The following EEA1 variants were observed in gnomAD, a reference collection of about 807,000 sequenced individuals.
The protein encoded by EEA1 is early endosome antigen 1.
Under a neutral mutation model 209.2 loss-of-function variants are expected in EEA1, and 111 were observed. The observed-to-expected ratio is 0.53, with a 90% confidence interval of 0.45 to 0.62. The LOEUF (loss-of-function observed/expected upper bound fraction) is 0.62, where lower values mean the gene tolerates loss of function less well. Among genes scored for constraint, EEA1 ranks in the 20% least tolerant of loss-of-function variants. The pLI, the probability that EEA1 is intolerant of heterozygous loss-of-function variation, is 0.00. For missense variants in EEA1, 1,343 were observed against 1,530.8 expected (o/e 0.88, Z 2.05); for synonymous variants, 536 against 540.6 (o/e 0.99, Z 0.12).
chr12:92,818,479 ATTTAT>A (rs1875899530), intron 14 of EEA1, among the ~76,000 whole-genome samples: 1 of 152,194 alleles, frequency 6.6e-6, no homozygotes, highest in African/African-American at 2.4e-5. Flanking sequence ...CCAGAAACAG[ATTTAT>A]TTTAATTTAT....
chr12:92,867,586 G>A (rs768348552), intron 2 of EEA1, among the ~76,000 whole-genome samples: 1 of 152,078 alleles, frequency 6.6e-6, no homozygotes, highest in Non-Finnish European at 1.5e-5. Context: ...ACTGCTCCTT[G>A]AATGCTGATG....
At chr12:92,815,493 C>T (rs569752387) in intron 15 of EEA1, among the ~76,000 whole-genome samples, 3 of 152,098 alleles carry the variant, frequency 2.0e-5, no homozygotes, top group Admixed American at 6.5e-5. Context: ...AGTAAGTATG[C>T]CAGTTATATT....
chr12:92,842,801 T>C (rs915286464), intron 9 of EEA1, among the ~76,000 whole-genome samples: 4 of 152,200 alleles, frequency 2.6e-5, no homozygotes, highest in African/African-American at 9.6e-5. Flanking sequence ...TATTTAGTAA[T>C]ACATAAAATG....
At chr12:92,827,045 A>G (rs1412260211) in intron 12 of EEA1, among the ~76,000 whole-genome samples, 1 of 152,146 alleles carries the variant, frequency 6.6e-6, no homozygotes. Flanking sequence ...GAAGCTACAG[A>G]TTTTATCGTA....
At chr12:92,839,006 T>C (rs759613873) in intron 10 of EEA1, among the ~76,000 whole-genome samples, 7 of 152,092 alleles carry the variant, frequency 4.6e-5, no homozygotes, top group East Asian at 1.9e-4. Flanking sequence ...CTTTAAAGAA[T>C]AGAATTGATA....
At chr12:92,814,120 T>C (rs1003721338) in intron 15 of EEA1, among the ~76,000 whole-genome samples, 2 of 152,186 alleles carry the variant, frequency 1.3e-5, no homozygotes, top group East Asian at 1.9e-4. Flanking sequence ...GGGTGCATTC[T>C]TTTAGCTGGT....
intron 11 of EEA1, among the ~76,000 whole-genome samples, chr12:92,830,862 T>A (rs553304050): frequency 6.6e-6 from 1 of 152,156 alleles, no homozygotes; most frequent in African/African-American, 2.4e-5. Context: ...CTGATGCCTA[T>A]ATAAAGAATC....
intron 13 of EEA1, among the ~76,000 whole-genome samples, chr12:92,822,074 C>T (rs1049164573): frequency 6.6e-6 from 1 of 151,308 alleles, no homozygotes; most frequent in Non-Finnish European, 1.5e-5. Context: ...CCATATTTTC[C>T]TCCTTTCCTC....
Position 92,774,742 on chromosome 12 carries a change from G to C in EEA1, c.*1269C>G, listed in dbSNP as rs181654209. Reference sequence around the variant, plus strand: ...GGTGATACTCTATTTCTAGGTGTTAGTTACTTAAAGGGAATTTCACAACAT... The same window carrying C: ...GGTGATACTCTATTTCTAGGTGTTACTTACTTAAAGGGAATTTCACAACAT... On this transcript the variant is annotated 3_prime_UTR_variant, in exon 29 of 29. Coordinates refer to ENST00000322349, the MANE Select transcript of EEA1 (RefSeq NM_003566.4). The C allele has an allele frequency of 6.6e-6, 1 of 151,642 alleles. No homozygotes were observed. Among genetic ancestry groups the C allele is most frequent in the East Asian group, 1.9e-4 (1 of 5,178 alleles). The allele number at this position is 151,642 out of a possible 1,614,324, so 9.4% of individuals were successfully genotyped here.
intron 21 of EEA1, among the ~76,000 whole-genome samples, chr12:92,789,867 T>A (rs1398643982): frequency 6.6e-6 from 1 of 152,144 alleles, no homozygotes; most frequent in Non-Finnish European, 1.5e-5. Context: ...CACCTCCCAA[T>A]AGGGGCCAAC....
intron 1 of EEA1, among the ~76,000 whole-genome samples, chr12:92,925,824 T>C (rs1270228849): frequency 1.3e-5 from 2 of 152,134 alleles, no homozygotes; most frequent in African/African-American, 4.8e-5. Context: ...CCGTAAAGTA[T>C]CCTGAGACTT....
chr12:92,880,770 T>C (rs570747903), intron 2 of EEA1, among the ~76,000 whole-genome samples: 73 of 152,266 alleles, frequency 4.8e-4, no homozygotes, highest in African/African-American at 1.7e-3. Context: ...CTACCACACC[T>C]GGCTTAATTT....
At chr12:92,807,445 C>G (rs2136671615) in intron 18 of EEA1, among the ~76,000 whole-genome samples, 1 of 151,768 alleles carries the variant, frequency 6.6e-6, no homozygotes, top group East Asian at 1.9e-4. Flanking sequence ...TCCCAGCCAG[C>G]AAGAAAAAAG....
intron 1 of EEA1, among the ~76,000 whole-genome samples, chr12:92,903,786 T>C (rs567569914): frequency 4.6e-5 from 7 of 152,096 alleles, no homozygotes; most frequent in Non-Finnish European, 1.0e-4. Context: ...CATAAAGAGA[T>C]TAAAAGGTAA....
In EEA1 at chr12:92,880,601, A is replaced by C. The variant is rs546196154; in HGVS notation, c.117+11028T>G. On this transcript the variant is annotated intron_variant, in intron 2 of 28. Transcript: ENST00000322349. ...ACCACTCTCCTGCCTCAGCCTCGCG[A>C]GTAGCTGGGACTACAGGCACCCACC... Among the ~76,000 whole-genome samples, 5 of 152,222 alleles carry C rather than the reference A, an allele frequency of 3.3e-5. No homozygotes were observed. The South Asian group carries it at 1.0e-3, about 32-fold the overall frequency.
rs151261681 is a variant in EEA1 at position 92,821,632 on chromosome 12, T to C, written c.1525-2121A>G. ...AGAATTATCTTGTCAATCTTTTTAT[T>C]TGAATGAGGTCCTCACCCTCAAACA... On this transcript the variant is annotated intron_variant, in intron 13 of 28. Coordinates refer to ENST00000322349, the MANE Select transcript of EEA1 (RefSeq NM_003566.4). 5.9e-3 allele frequency among the ~76,000 whole-genome samples: 898 copies of C among 152,186 alleles called. 11 individuals carry two copies. Among genetic ancestry groups the C allele is most frequent in the African/African-American group, 0.02 (849 of 41,514 alleles).
At chr12:92,794,370 C>G (rs1305499493) in intron 21 of EEA1, among the ~76,000 whole-genome samples, 1 of 152,124 alleles carries the variant, frequency 6.6e-6, no homozygotes, top group Non-Finnish European at 1.5e-5. Context: ...CCCAGCAATC[C>G]CATTACTGGG....
chr12:92,798,219 G>A (rs1874740030), intron 21 of EEA1, among the ~76,000 whole-genome samples: 1 of 152,040 alleles, frequency 6.6e-6, no homozygotes, highest in Admixed American at 6.5e-5. Flanking sequence ...ATGTTTTTAA[G>A]ATATCCCACT....
Position 92,795,202 on chromosome 12 carries a change from C to T in EEA1, c.2967+3690G>A, listed in dbSNP as rs577708305. On this transcript the variant is annotated intron_variant, in intron 21 of 28. Transcript: ENST00000322349. ...TCTGGCCCCTGTCTAATTATCTGAG[C>T]TCATCTCATGTTACCTTCTCCCTCA... is the stretch of plus-strand genomic sequence containing the variant. 3.1e-4 allele frequency among the ~76,000 whole-genome samples: 47 copies of T among 152,276 alleles called. No homozygotes were observed. The South Asian group carries it at 8.5e-3, about 28-fold the overall frequency.
Sources: gnomAD v4.1 joint callset for allele counts (sites outside exome capture counted in the v4.1 genomes callset) on GRCh38, gnomAD v4.1.1 for gene constraint, MANE v1.5 for transcripts, NCBI Gene and HGNC (gene_info 2026-07-23, HGNC 2026-07-21) for gene names.